Variants in RBX1 observed in about 807,000 individuals in gnomAD.
RBX1 encodes the protein ring-box 1.
For synonymous variants in RBX1, 48 were observed against 47.9 expected (o/e 1.00, Z -0.01); for missense variants, 46 against 141.4 (o/e 0.33, Z 3.42).
At chr22:40,969,691 C>A (rs1195607717) in intron 4 of RBX1, among the ~76,000 whole-genome samples, 1 of 152,056 alleles carries the variant, frequency 6.6e-6, no homozygotes, top group African/African-American at 2.4e-5. Context: ...TTGAGACCAG[C>A]CTGGCCCACA....
chr22:40,955,695 T>C (rs1418027072), intron 2 of RBX1, among the ~76,000 whole-genome samples: 2 of 152,246 alleles, frequency 1.3e-5, no homozygotes, highest in African/African-American at 4.8e-5. Flanking sequence ...CTTTAGATCT[T>C]ATCTTAAACT....
chr22:40,967,138 A>G (rs1470800125), intron 3 of RBX1: 3 of 151,910 alleles, frequency 2.0e-5, no homozygotes, highest in Non-Finnish European at 2.9e-5. Context: ...TTTTACCCCA[A>G]TTTTCTTTTA....
chr22:40,971,658 G>A (rs2058369349), intron 4 of RBX1, among the ~76,000 whole-genome samples: 2 of 152,108 alleles, frequency 1.3e-5, no homozygotes, highest in South Asian at 4.1e-4. Context: ...CCGGGTTGAA[G>A]CAGTTCTCTT....
intron 2 of RBX1, among the ~76,000 whole-genome samples, chr22:40,957,565 G>A (rs1008406257): frequency 6.6e-6 from 1 of 152,230 alleles, no homozygotes; most frequent in African/African-American, 2.4e-5. Context: ...TTGAGCCCGG[G>A]AGGCAGAGGT....
chr22:40,960,854 G>T (rs866932807), intron 2 of RBX1, among the ~76,000 whole-genome samples: 20 of 152,120 alleles, frequency 1.3e-4, no homozygotes, highest in Middle Eastern at 3.2e-3. Context: ...TGCCTGCCAG[G>T]TTCCAGCGAT....
chr22:40,972,594 G>T lies in RBX1; in HGVS notation c.*106G>T, dbSNP rs15468. On this transcript the variant is annotated 3_prime_UTR_variant, in exon 5 of 5. Transcript: ENST00000216225. ...ATGGAACTGTGTTTTTTTCTGCTTT[G>T]TTTTTTCAGTTTGCTGTTTCTGTAG... 2.2e-6 allele frequency: 2 copies of T among 926,018 alleles called. No individual in the cohort carries two copies. The allele number at this position is 926,018 out of a possible 1,614,324, so 57.4% of individuals were successfully genotyped here. A position where few individuals can be genotyped will look rare whatever the true frequency, so the allele number is the denominator to read the frequency against.
chr22:40,958,757 C>G (rs988995421), intron 2 of RBX1, among the ~76,000 whole-genome samples: 2 of 151,706 alleles, frequency 1.3e-5, no homozygotes, highest in Non-Finnish European at 1.5e-5. Context: ...CTACCTAAAA[C>G]TACAGATCCA....
intron 3 of RBX1, chr22:40,966,725 T>G (rs928400895): frequency 2.0e-5 from 3 of 152,218 alleles, no homozygotes; most frequent in African/African-American, 7.2e-5. Flanking sequence ...CATACATACT[T>G]TGGGAGACGT....
intron 3 of RBX1, chr22:40,967,448 AGG>A: frequency 5.8e-6 from 1 of 171,182 alleles, no homozygotes; most frequent in South Asian, 1.4e-4. Flanking sequence ...TGCATTGATG[AGG>A]GGCCTCCTTT....
chr22:40,951,405 G>A lies in RBX1; in HGVS notation c.7G>A (p.Ala3Thr). Residue 3 changes from alanine to threonine, a missense_variant, in exon 1 of 5, where the codon GCA becomes ACA. Ala to Thr is a moderately conservative substitution (Grantham distance 58, BLOSUM62 0). Coordinates refer to ENST00000216225, the MANE Select transcript of RBX1 (RefSeq NM_014248.4). The part of the protein sequence containing the change: MA[A>T]AMDVDTPSGT... ...CAGACCGTGTGTTTCCAAAATGGCG[G>A]CAGCGATGGATGTGGATACCCCGAG... is the stretch of plus-strand genomic sequence containing the variant. 2 of 1,612,794 alleles carry A rather than the reference G, an allele frequency of 1.2e-6. No individual in the cohort carries two copies. The highest frequency in any genetic ancestry group is 8.5e-7 in the Non-Finnish European group (1 of 1,179,246).
intron 2 of RBX1, among the ~76,000 whole-genome samples, chr22:40,960,075 C>T (rs923348314): frequency 2.0e-5 from 3 of 151,852 alleles, no homozygotes; most frequent in Non-Finnish European, 4.4e-5. Flanking sequence ...GAGATTGTGC[C>T]ACTGCCCTTC....
chr22:40,951,564 AG>A, intron 1 of RBX1, 88 bp downstream of exon 1: 1 of 1,308,610 alleles, frequency 7.6e-7, no homozygotes, highest in Middle Eastern at 1.9e-4. Flanking sequence ...CGCGGAGTAA[AG>A]GGTTTCATTT....
At chr22:40,958,112 G>T (rs143083294) in intron 2 of RBX1, among the ~76,000 whole-genome samples, 1 of 151,892 alleles carries the variant, frequency 6.6e-6, no homozygotes, top group Non-Finnish European at 1.5e-5. Flanking sequence ...GTGAGCCACC[G>T]CATCTAGCTG....
chr22:40,964,267 A>C (rs1173466563), intron 3 of RBX1, 150 bp downstream of exon 3: 3 of 589,098 alleles, frequency 5.1e-6, no homozygotes, highest in Non-Finnish European at 9.1e-6. Context: ...TTTAAATCAT[A>C]ATACTATTCA....
chr22:40,955,514 T>TA (rs71695312), intron 2 of RBX1, among the ~76,000 whole-genome samples: 21 of 150,096 alleles, frequency 1.4e-4, no homozygotes, highest in Admixed American at 3.3e-4. Flanking sequence ...GTAATTGATG[T>TA]AAAAAAAAAA....
At chr22:40,953,459 CAA>C (rs542841981) in intron 1 of RBX1, 94 bp from the exon 2 acceptor site, 2 of 825,528 alleles carry the variant, frequency 2.4e-6, no homozygotes, top group Non-Finnish European at 4.2e-6. Flanking sequence ...TCCCTGTGGC[CAA>C]AGAGATGATA....
intron 2 of RBX1, among the ~76,000 whole-genome samples, chr22:40,961,545 C>G (rs1417379533): frequency 6.6e-6 from 1 of 151,836 alleles, no homozygotes; most frequent in African/African-American, 2.4e-5. Flanking sequence ...TCCTGAGTAG[C>G]TGGGACTACA....
chr22:40,966,010 G>C (rs1410263249), intron 3 of RBX1, among the ~76,000 whole-genome samples: 1 of 152,170 alleles, frequency 6.6e-6, no homozygotes, highest in Non-Finnish European at 1.5e-5. Flanking sequence ...AGCATGGTGT[G>C]GCAGAAGGCT....
At chr22:40,957,417 G>A (rs889342290) in intron 2 of RBX1, among the ~76,000 whole-genome samples, 33 of 151,706 alleles carry the variant, frequency 2.2e-4, no homozygotes, top group African/African-American at 7.3e-4. Context: ...TGGCTGAGGC[G>A]GGCAGATCGC....
Sources: gnomAD v4.1 joint callset for allele counts (sites outside exome capture counted in the v4.1 genomes callset) on GRCh38, gnomAD v4.1.1 for gene constraint, MANE v1.5 for transcripts, NCBI Gene and HGNC (gene_info 2026-07-23, HGNC 2026-07-21) for gene names.